Variants in BLVRA observed in about 807,000 individuals in gnomAD.
The protein encoded by BLVRA is BVR A.
In BLVRA, 22 loss-of-function variants were observed where a neutral mutation model predicts 32.8. The ratio of observed to expected loss-of-function variants is 0.67; its 90% CI spans 0.48 to 0.96. BLVRA has a LOEUF of 0.96. Ranked by LOEUF, BLVRA falls within the 40% of genes least tolerant of loss-of-function variation. The pLI is 0.00. For synonymous variants in BLVRA, 119 were observed against 141.3 expected (o/e 0.84, Z 1.12); for missense variants, 323 against 358.1 (o/e 0.90, Z 0.79).
chr7:43,801,771 A>G (rs1451894148), intron 6 of BLVRA, among the ~76,000 whole-genome samples: 3 of 152,208 alleles, frequency 2.0e-5, no homozygotes, highest in African/African-American at 7.2e-5. Context: ...AGCGGTCATG[A>G]GACAGAGCTG....
Position 43,803,791 on chromosome 7 carries a change from G to A in BLVRA, c.576G>A (p.Glu192=). The change falls in exon 7 of 8, where the codon GAG becomes GAA. Residue 192 remains glutamate, a synonymous_variant. Transcript: ENST00000265523. ...CTCTTGTGTCTGCCACTTTGGAAGAGCGAAAGGAAGATCAGTATATGAAAA... is the reference window on the plus strand; with the variant it reads ...CTCTTGTGTCTGCCACTTTGGAAGAACGAAAGGAAGATCAGTATATGAAAA... ...ELSLVSATLE[E]RKEDQYMKMT... is the part of the protein sequence containing the mutation. 1 of 1,614,136 alleles carries A rather than the reference G, an allele frequency of 6.2e-7. No individual in the cohort carries two copies. The highest frequency in any genetic ancestry group is 8.5e-7 in the Non-Finnish European group (1 of 1,180,000).
chr7:43,792,673 A>C lies in BLVRA; in HGVS notation c.255-42A>C, dbSNP rs1437469599. 3 of 1,544,184 alleles carry C rather than the reference A, an allele frequency of 1.9e-6. No individual in the cohort carries two copies. In the South Asian group the frequency reaches 3.4e-5, roughly 17 times the overall value. ...TATGCAGAGCATTTCAGTGAAGCTT[A>C]TTCGAAGTGTTCTTTCTCTGTATTT... is the stretch of plus-strand genomic sequence containing the variant. On this transcript the variant is annotated intron_variant, in intron 4 of 7. Coordinates refer to ENST00000265523, the MANE Select transcript of BLVRA (RefSeq NM_000712.4).
chr7:43,803,747 TC>T lies in BLVRA; in HGVS notation c.535del (p.Leu179SerfsTer21), dbSNP rs1195293679. ...CATCTCTCGCCTGACCTGGCTGGTCTCCCTCTTTGGGGAGCTTTCTCTTGTG... is the reference window on the plus strand; with the variant it reads ...CATCTCTCGCCTGACCTGGCTGGTCTCCTCTTTGGGGAGCTTTCTCTTGTG... ...SGISRLTWLV[S>X]LFGELSLVSA... is the part of the protein sequence containing the mutation. On this transcript the variant is annotated frameshift_variant, in exon 7 of 8. Transcript: ENST00000265523. LOFTEE classifies it high-confidence loss of function. The T allele has an allele frequency of 1.9e-6, 3 of 1,614,062 alleles. No homozygotes were observed. Among genetic ancestry groups the T allele is most frequent in the Non-Finnish European group, 1.7e-6 (2 of 1,180,024 alleles).
Position 43,776,475 on chromosome 7 carries a change from G to A in BLVRA, c.12+5305G>A, listed in dbSNP as rs376717994. ...TTTTGAGTGAGTTTCTTAATCCTGA[G>A]TTCTAGTTTGATTGCACTGTGGTCT... On this transcript the variant is annotated intron_variant, in intron 2 of 7. Coordinates refer to ENST00000265523, the MANE Select transcript of BLVRA (RefSeq NM_000712.4). Among the ~76,000 whole-genome samples the A allele has an allele frequency of 3.5e-4, 54 of 152,292 alleles. No individual in the cohort carries two copies. The East Asian group carries it at 8.7e-3, about 24-fold the overall frequency.
Position 43,795,056 on chromosome 7 carries a change from C to T in BLVRA, c.352+2244C>T, listed in dbSNP as rs374000885. 3.3e-4 allele frequency among the ~76,000 whole-genome samples: 50 copies of T among 150,140 alleles called. No individual in the cohort carries two copies. The South Asian group carries it at 9.6e-3, about 29-fold the overall frequency. On this transcript the variant is annotated intron_variant, in intron 5 of 7. Coordinates refer to ENST00000265523, the MANE Select transcript of BLVRA (RefSeq NM_000712.4). ...TGAAACTCCGTCTCTACTAATAATA[C>T]AAAAATTAGCTGGGCCTGGTGGCAC...
chr7:43,781,591 G>A (rs1030978357), intron 2 of BLVRA, among the ~76,000 whole-genome samples: 3 of 152,116 alleles, frequency 2.0e-5, no homozygotes, highest in East Asian at 1.9e-4. Context: ...AATGCCTCTC[G>A]ACCTCCCAAA....
At chr7:43,783,587 C>T (rs1377930155) in intron 2 of BLVRA, among the ~76,000 whole-genome samples, 2 of 152,134 alleles carry the variant, frequency 1.3e-5, no homozygotes, top group Non-Finnish European at 2.9e-5. Flanking sequence ...CCATCTTTTG[C>T]TTGTTATAAG....
chr7:43,792,740 G>C lies in BLVRA; in HGVS notation c.280G>C (p.Val94Leu). The C allele has an allele frequency of 1.2e-6, 2 of 1,614,166 alleles. No individual in the cohort carries two copies. Among genetic ancestry groups the C allele is most frequent in the Non-Finnish European group, 1.7e-6 (2 of 1,180,014 alleles). Residue 94 changes from valine (V) to leucine (L), a missense_variant, in exon 5 of 8, where the codon GTC becomes CTC. Coordinates refer to ENST00000265523, the MANE Select transcript of BLVRA (RefSeq NM_000712.4). ...IRQFLNAGKHVLVEYPMTLSL... is the reference protein window; with the variant it reads ...IRQFLNAGKHLLVEYPMTLSL... ...GCAGTTCCTTAATGCTGGCAAGCAC[G>C]TCCTTGTGGAATACCCCATGACACT...
chr7:43,798,197 CAAAAAAAAAAAAAAAA>C (rs56855757), intron 5 of BLVRA, among the ~76,000 whole-genome samples: 11 of 45,206 alleles, frequency 2.4e-4, no homozygotes, highest in African/African-American at 4.9e-4. Context: ...CCCCATCTCA[CAAAAAAAAAAAAAAAA>C]AAAAAAAAAA....
At chr7:43,761,329 CA>C (rs983989826) in intron 1 of BLVRA, among the ~76,000 whole-genome samples, 1 of 151,922 alleles carries the variant, frequency 6.6e-6, no homozygotes, top group African/African-American at 2.4e-5. Flanking sequence ...GAAACTATTC[CA>C]GGGGAAAAAA....
Position 43,800,513 on chromosome 7 carries a change from C to T in BLVRA, c.401C>T (p.Ala134Val). ...GTTGAACTCTTGATGGAGGAATTCGCTTTCCTGAAAAAAGAAGTGGTGGGG... is the reference window on the plus strand; with the variant it reads ...GTTGAACTCTTGATGGAGGAATTCGTTTTCCTGAAAAAAGAAGTGGTGGGG... ...EHVELLMEEFAFLKKEVVGKD... is the reference protein window; with the variant it reads ...EHVELLMEEFVFLKKEVVGKD... The change falls in exon 6 of 8, where the codon GCT (alanine) becomes GTT (valine). Residue 134 changes from alanine (A) to valine (V), a missense_variant. Coordinates refer to ENST00000265523, the MANE Select transcript of BLVRA (RefSeq NM_000712.4). 1 of 1,614,102 alleles carries T rather than the reference C, an allele frequency of 6.2e-7. No individual in the cohort carries two copies. Among genetic ancestry groups the T allele is most frequent in the Non-Finnish European group, 8.5e-7 (1 of 1,179,938 alleles).
Position 43,807,340 on chromosome 7 carries a change from G to C in BLVRA, c.*105G>C. ...AAAATTAAACATGTTGGGGAAACAA[G>C]AATCTTATTGTTATGAGCTATGTTG... On this transcript the variant is annotated 3_prime_UTR_variant, in exon 8 of 8. Transcript: ENST00000265523. 6.6e-7 allele frequency: 1 copy of C among 1,524,886 alleles called. No individual in the cohort carries two copies. 94.5% of individuals were successfully genotyped at this position (1,524,886 alleles called of 1,614,324 possible). A position where few individuals can be genotyped will look rare whatever the true frequency, so the allele number is the denominator to read the frequency against.
intron 5 of BLVRA, among the ~76,000 whole-genome samples, chr7:43,800,163 C>T (rs1298674662): frequency 6.6e-6 from 1 of 152,098 alleles, no homozygotes; most frequent in Non-Finnish European, 1.5e-5. Flanking sequence ...ACCATGTTGG[C>T]CAGGCTGGTC....
rs1222243602 is a variant in BLVRA at position 43,803,729 on chromosome 7, C to T, written c.514C>T (p.Arg172Cys). 6 of 1,613,986 alleles carry T rather than the reference C, an allele frequency of 3.7e-6. No individual in the cohort carries two copies. The highest frequency in any genetic ancestry group is 4.2e-6 in the Non-Finnish European group (5 of 1,179,932). ...CTTCCCTGCATTCAGCGGCATCTCT[C>T]GCCTGACCTGGCTGGTCTCCCTCTT... is the stretch of plus-strand genomic sequence containing the variant. ...FGFPAFSGIS[R>C]LTWLVSLFGE... is the part of the protein sequence containing the mutation. The change falls in exon 7 of 8, where the codon CGC becomes TGC. Residue 172 changes from arginine to cysteine, a missense_variant. Arg to Cys is a radical substitution (Grantham distance 180). Transcript: ENST00000265523.
intron 5 of BLVRA, 137 bp downstream of exon 5, chr7:43,792,949 C>G: frequency 1.2e-6 from 1 of 835,832 alleles, no homozygotes; most frequent in Non-Finnish European, 2.0e-6. Flanking sequence ...GCCTCCTCAC[C>G]CCCACACTGT....
chr7:43,778,115 G>A (rs185518995), intron 2 of BLVRA, among the ~76,000 whole-genome samples: 1 of 152,080 alleles, frequency 6.6e-6, no homozygotes, highest in Non-Finnish European at 1.5e-5. Flanking sequence ...AGAGTAGTTT[G>A]ATCATCTGAA....
intron 1 of BLVRA, among the ~76,000 whole-genome samples, chr7:43,770,892 G>A (rs1163308085): frequency 6.6e-6 from 1 of 152,206 alleles, no homozygotes; most frequent in Non-Finnish European, 1.5e-5. Flanking sequence ...ATCTGGGCTT[G>A]GAAATGCCCT....
At chr7:43,778,872 C>G (rs1179628588) in intron 2 of BLVRA, among the ~76,000 whole-genome samples, 1 of 152,264 alleles carries the variant, frequency 6.6e-6, no homozygotes, top group Non-Finnish European at 1.5e-5. Flanking sequence ...GCGCCCCTCC[C>G]CCAGCCTTGC....
intron 5 of BLVRA, 128 bp from the exon 6 acceptor site, chr7:43,800,337 C>T: frequency 1.2e-6 from 1 of 864,058 alleles, no homozygotes; most frequent in Non-Finnish European, 1.9e-6. Flanking sequence ...GGAGGCCATC[C>T]TGGCCATGTG....
Sources: gnomAD v4.1 joint callset for allele counts (sites outside exome capture counted in the v4.1 genomes callset) on GRCh38, gnomAD v4.1.1 for gene constraint, MANE v1.5 for transcripts, NCBI Gene and HGNC (gene_info 2026-07-23, HGNC 2026-07-21) for gene names.